The following DLG2 variants were observed in gnomAD, a reference collection of about 807,000 sequenced individuals.
DLG2 encodes discs large MAGUK scaffold protein 2.
DLG2 carries 45 observed loss-of-function variants against 132.5 expected under a neutral mutation model. That is an observed-to-expected ratio of 0.34 (90% CI 0.27 to 0.44). DLG2 has a LOEUF of 0.44. Ranked by LOEUF, DLG2 falls within the 20% of genes least tolerant of loss-of-function variation. The probability of loss-of-function intolerance (pLI) is 1.00; values close to 1 mark genes in which losing one functional copy is unlikely to be tolerated. For synonymous variants in DLG2, 424 were observed against 419.6 expected (o/e 1.01, Z -0.13); for missense variants, 1,045 against 1,196.9 (o/e 0.87, Z 1.87).
intron 10 of DLG2, among the ~76,000 whole-genome samples, chr11:84,063,785 A>G (rs2096628288): frequency 6.6e-6 from 1 of 152,206 alleles, no homozygotes; most frequent in African/African-American, 2.4e-5. Context: ...GTGCAGCCAT[A>G]AAAAATGATG....
chr11:83,916,736 T>C (rs1268252871), intron 15 of DLG2, among the ~76,000 whole-genome samples: 2 of 152,176 alleles, frequency 1.3e-5, no homozygotes, highest in Non-Finnish European at 2.9e-5. Context: ...GTAAACACTG[T>C]TAACCTGAGG....
intron 3 of DLG2, among the ~76,000 whole-genome samples, chr11:85,303,663 T>A (rs1170754670): frequency 6.6e-6 from 1 of 152,158 alleles, no homozygotes; most frequent in Non-Finnish European, 1.5e-5. Context: ...TGTGTGTGTA[T>A]GTCTGTGTGC....
intron 10 of DLG2, among the ~76,000 whole-genome samples, chr11:84,070,495 A>G (rs1244527229): frequency 6.6e-6 from 1 of 152,250 alleles, no homozygotes; most frequent in East Asian, 1.9e-4. Flanking sequence ...AGTACTACAC[A>G]TTAAGAAATA....
intron 19 of DLG2, 188 bp downstream of exon 19, chr11:83,633,023 C>G: frequency 1.8e-6 from 1 of 561,114 alleles, no homozygotes. Context: ...AAGCAGGCAC[C>G]TTTAACTAAT....
In DLG2 at chr11:84,500,051, A is replaced by G. The variant is rs1413619122; in HGVS notation, c.519+34519T>C. 3.9e-5 allele frequency among the ~76,000 whole-genome samples: 6 copies of G among 152,336 alleles called. 1 individual carries two copies. The South Asian group carries it at 1.2e-3, about 32-fold the overall frequency. On this transcript the variant is annotated intron_variant, in intron 7 of 27. Coordinates refer to ENST00000376104, the MANE Select transcript of DLG2 (RefSeq NM_001142699.3). ...GAGATGAAAAAAATAGACAAGATCC[A>G]TGCTCTCAAGGAGAATACATTCAGG...
intron 18 of DLG2, among the ~76,000 whole-genome samples, chr11:83,764,702 G>T (rs980571118): frequency 4.6e-5 from 7 of 152,154 alleles, no homozygotes; most frequent in Admixed American, 2.0e-4. Flanking sequence ...CTTTCCCAGG[G>T]TCTCACAGCT....
chr11:84,915,035 C>G (rs780561698), intron 6 of DLG2, among the ~76,000 whole-genome samples: 7 of 152,104 alleles, frequency 4.6e-5, no homozygotes, highest in Non-Finnish European at 1.5e-5. Context: ...GCAAATGAAC[C>G]AGGCTATATG....
At chr11:85,008,456 G>C (rs1387964496) in intron 6 of DLG2, among the ~76,000 whole-genome samples, 1 of 151,984 alleles carries the variant, frequency 6.6e-6, no homozygotes, top group Admixed American at 6.6e-5. Context: ...AAGATTAATA[G>C]TATATTTCTT....
chr11:85,214,475 T>C (rs867267848), intron 4 of DLG2, among the ~76,000 whole-genome samples: 3 of 152,218 alleles, frequency 2.0e-5, no homozygotes, highest in Middle Eastern at 3.4e-3. Context: ...CCCTGCCCAC[T>C]ACCAATATAT....
chr11:84,893,295 G>A (rs759329447), intron 6 of DLG2, among the ~76,000 whole-genome samples: 1 of 152,132 alleles, frequency 6.6e-6, no homozygotes, highest in Non-Finnish European at 1.5e-5. Flanking sequence ...TGCCCAAATT[G>A]TCCTGTTTCT....
chr11:84,266,379 C>A (rs546293593), intron 7 of DLG2, among the ~76,000 whole-genome samples: 43 of 152,298 alleles, frequency 2.8e-4, no homozygotes, highest in African/African-American at 1.0e-3. Context: ...CAGGTCGCTT[C>A]TGGTGTAGTT....
At chr11:85,391,980 T>C (rs7114311) in intron 3 of DLG2, among the ~76,000 whole-genome samples, 5,330 of 152,110 alleles carry the variant, frequency 0.035, 145 homozygotes, top group Admixed American at 0.049. Context: ...TCCAAATTGG[T>C]AATGAGGAAG....
At chr11:84,703,476 A>G (rs1182371373) in intron 6 of DLG2, among the ~76,000 whole-genome samples, 1 of 151,538 alleles carries the variant, frequency 6.6e-6, no homozygotes. Context: ...AAATGAAGAA[A>G]ACAAATATTT....
At chr11:84,994,091 T>C (rs1206938534) in intron 6 of DLG2, among the ~76,000 whole-genome samples, 1 of 152,196 alleles carries the variant, frequency 6.6e-6, no homozygotes, top group Non-Finnish European at 1.5e-5. Context: ...TGGAGTCCCA[T>C]CTATTGTAGT....
chr11:85,231,209 T>C (rs1208949136), intron 4 of DLG2, among the ~76,000 whole-genome samples: 1 of 151,998 alleles, frequency 6.6e-6, no homozygotes, highest in African/African-American at 2.4e-5. Flanking sequence ...CTATTTGATG[T>C]TGCACCAAAA....
chr11:84,179,685 G>A (rs1596755798), intron 8 of DLG2, among the ~76,000 whole-genome samples: 1 of 152,130 alleles, frequency 6.6e-6, no homozygotes, highest in East Asian at 1.9e-4. Flanking sequence ...AGCATTCAGT[G>A]CTTCTTAATA....
At chr11:84,869,652 G>C (rs1417246105) in intron 6 of DLG2, among the ~76,000 whole-genome samples, 2 of 152,104 alleles carry the variant, frequency 1.3e-5, no homozygotes, top group African/African-American at 2.4e-5. Flanking sequence ...TTGCCACTAA[G>C]AGAAACCCTA....
At chr11:85,228,939 T>A (rs945399477) in intron 4 of DLG2, among the ~76,000 whole-genome samples, 21 of 151,296 alleles carry the variant, frequency 1.4e-4, no homozygotes, top group African/African-American at 4.6e-4. Context: ...AAATAATATA[T>A]ATAGTATTTT....
intron 8 of DLG2, among the ~76,000 whole-genome samples, chr11:84,218,793 T>A (rs370753518): frequency 6.6e-6 from 1 of 152,190 alleles, no homozygotes; most frequent in Non-Finnish European, 1.5e-5. Context: ...GAGTTGGCAT[T>A]ACTGACATTT....
Sources: allele counts gnomAD v4.1 joint callset (sites outside exome capture counted in the v4.1 genomes callset), GRCh38; gene constraint gnomAD v4.1.1; transcripts MANE v1.5; gene names NCBI Gene and HGNC (gene_info 2026-07-23, HGNC 2026-07-21).